PODN: variants seen among roughly 807,000 people sequenced by gnomAD.
PODN encodes podocan, also known as podocan proteoglycan.
A neutral mutation model predicts 52.7 loss-of-function variants in PODN; 40 were observed. The observed-to-expected ratio is 0.76, with a 90% confidence interval of 0.59 to 0.99. The LOEUF is 0.99. Ranked by LOEUF, PODN falls within the 50% of genes least tolerant of loss-of-function variation. PODN has a pLI of 0.00. For missense variants in PODN, 720 were observed against 815.1 expected (o/e 0.88, Z 1.42); for synonymous variants, 396 against 377.9 (o/e 1.05, Z -0.56).
intron 10 of PODN, among the ~76,000 whole-genome samples, chr1:53,082,595 G>C (rs1323917371): frequency 1.3e-5 from 2 of 152,210 alleles, no homozygotes; most frequent in Non-Finnish European, 2.9e-5. Flanking sequence ...AGAGCAGTTA[G>C]GAAAGGAGGT....
chr1:53,063,329 G>C (rs1643986762), intron 1 of PODN: 1 of 984,042 alleles, frequency 1.0e-6, no homozygotes. Flanking sequence ...CGCTTGGAGT[G>C]AATTACTGAC....
chr1:53,076,519 A>G (rs1459302206), intron 5 of PODN, among the ~76,000 whole-genome samples: 1 of 152,094 alleles, frequency 6.6e-6, no homozygotes, highest in Non-Finnish European at 1.5e-5. Flanking sequence ...TCTGTCACAG[A>G]TGACCCTTGT....
At position 53,071,537 on chromosome 1, in the gene PODN, C is replaced by A. The variant is rs777548117; in HGVS notation, c.315C>A (p.Asn105Lys). 6.2e-7 allele frequency: 1 copy of A among 1,613,400 alleles called. No individual in the cohort carries two copies. Among genetic ancestry groups the A allele is most frequent in the East Asian group, 2.2e-5 (1 of 44,830 alleles). ...CTTGCGGCCCCCTACCCCCCTAGAA[C>A]AACCAGCTGGAAAAGATCTACCCTG... ...PEHTNHLSLQ[N>K]NQLEKIYPEE... Residue 105 changes from asparagine to lysine, a missense_variant and splice_region_variant, in exon 3 of 11, where the codon AAC becomes AAA. Coordinates refer to ENST00000312553, the MANE Select transcript of PODN (RefSeq NM_153703.5).
Position 53,077,795 on chromosome 1 carries a change from C to A in PODN, c.849C>A (p.Thr283=), listed in dbSNP as rs142794383. 23 of 1,613,166 alleles carry A rather than the reference C, an allele frequency of 1.4e-5. No homozygotes were observed. The African/African-American group carries it at 2.9e-4, about 21-fold the overall frequency. ...CTGACGAGGGCCTGGACAACGAGAC[C>A]TTCTGGTGAGTCCTTGTCTCACCAG... ...YLTDEGLDNE[T]FWKLSSLEYL... Residue 283 remains threonine (T), a synonymous_variant, in exon 7 of 11, where the codon ACC becomes ACA. Coordinates refer to ENST00000312553, the MANE Select transcript of PODN (RefSeq NM_153703.5).
Position 53,070,037 on chromosome 1 carries a change from C to T in PODN, c.182C>T (p.Pro61Leu), listed in dbSNP as rs1436421243. 6.2e-7 allele frequency: 1 copy of T among 1,612,964 alleles called. No homozygotes were observed. The highest frequency in any genetic ancestry group is 8.5e-7 in the Non-Finnish European group (1 of 1,179,956). Residue 61 changes from proline to leucine, a missense_variant, in exon 2 of 11, where the codon CCT becomes CTT. Coordinates refer to ENST00000312553, the MANE Select transcript of PODN (RefSeq NM_153703.5). ...GTACTGAGCCCTGAGGAGCCCGGGCCTGGCCCAGCCGCGGTCAGCTGCCCC... is the reference window on the plus strand; with the variant it reads ...GTACTGAGCCCTGAGGAGCCCGGGCTTGGCCCAGCCGCGGTCAGCTGCCCC... ...VLVLSPEEPG[P>L]GPAAVSCPRD...
chr1:53,069,989 T>G lies in PODN; in HGVS notation c.134T>G (p.Phe45Cys). Residue 45 changes from phenylalanine to cysteine, a missense_variant, in exon 2 of 11, where the codon TTT (phenylalanine) becomes TGT (cysteine). Coordinates refer to ENST00000312553, the MANE Select transcript of PODN (RefSeq NM_153703.5). ...AGCCTGAGCCCCGAAGAGAACGAAT[T>G]TGCGGAGGAGGAGCCGGTGCTGGTA... ...GHSLSPEENE[F>C]AEEEPVLVLS... 1.2e-6 allele frequency: 2 copies of G among 1,611,826 alleles called. No individual in the cohort carries two copies. Among genetic ancestry groups the G allele is most frequent in the Non-Finnish European group, 1.7e-6 (2 of 1,179,496 alleles).
Position 53,069,852 on chromosome 1 carries a change from C to A in PODN, c.-4C>A, listed in dbSNP as rs1410024915. 1 of 1,575,204 alleles carries A rather than the reference C, an allele frequency of 6.3e-7. No individual in the cohort carries two copies. The highest frequency in any genetic ancestry group is 8.6e-7 in the Non-Finnish European group (1 of 1,160,834). On this transcript the variant is annotated 5_prime_UTR_variant, in exon 2 of 11. Transcript: ENST00000312553. ...CATCTGACTCGGCACCCCCTGCAGG[C>A]ACCATGGCCCAGAGCCGGGTGCTGC... is the stretch of plus-strand genomic sequence containing the variant.
chr1:53,069,083 G>A (rs1252612240), intron 1 of PODN, among the ~76,000 whole-genome samples: 1 of 152,170 alleles, frequency 6.6e-6, no homozygotes, highest in African/African-American at 2.4e-5. Context: ...AGCTCTCTGT[G>A]GGAAGAAGAT....
At chr1:53,077,105 G>T in intron 5 of PODN, 85 bp from the exon 6 acceptor site, 7 of 1,509,454 alleles carry the variant, frequency 4.6e-6, no homozygotes, top group African/African-American at 1.4e-5. Flanking sequence ...AGAGCAGCCT[G>T]GGCAAGGGTT....
chr1:53,070,660 C>T (rs1451378462), intron 2 of PODN, among the ~76,000 whole-genome samples: 1 of 152,242 alleles, frequency 6.6e-6, no homozygotes, highest in Non-Finnish European at 1.5e-5. Flanking sequence ...CCCTGGAGTG[C>T]AGATGCACCC....
rs555611216 is a variant in PODN, at chr1:53,070,278, T to C, written c.312+111T>C. ...CTGTTCACCCAGAACCTCCAATATG[T>C]GCGGCTCTCCACTCCCAACCACAGG... On this transcript the variant is annotated intron_variant, in intron 2 of 10. Coordinates refer to ENST00000312553, the MANE Select transcript of PODN (RefSeq NM_153703.5). 7 of 1,510,858 alleles carry C rather than the reference T, an allele frequency of 4.6e-6. No homozygotes were observed. In the South Asian group the frequency reaches 8.5e-5, roughly 18 times the overall value. The allele number at this position is 1,510,858 out of a possible 1,614,324, so 93.6% of individuals were successfully genotyped here. A position where few individuals can be genotyped will look rare whatever the true frequency, so the allele number is the denominator to read the frequency against.
chr1:53,071,716 G>A, intron 3 of PODN, 88 bp downstream of exon 3: 1 of 1,303,010 alleles, frequency 7.7e-7, no homozygotes. Flanking sequence ...GGGAGAGCTT[G>A]GCCCTGCGGA....
intron 10 of PODN, among the ~76,000 whole-genome samples, chr1:53,083,463 A>G (rs1484122396): frequency 2.6e-5 from 4 of 152,216 alleles, no homozygotes; most frequent in Non-Finnish European, 5.9e-5. Flanking sequence ...GGAATGGTAG[A>G]AGTTGCTGGC....
chr1:53,084,288 A>T (rs912705543), intron 10 of PODN, among the ~76,000 whole-genome samples: 1 of 151,730 alleles, frequency 6.6e-6, no homozygotes, highest in Non-Finnish European at 1.5e-5. Flanking sequence ...AGGTCAGTTG[A>T]GTGGGGCTCT....
intron 10 of PODN, among the ~76,000 whole-genome samples, 179 bp downstream of exon 10, chr1:53,082,367 C>T (rs940620569): frequency 1.3e-5 from 2 of 152,178 alleles, no homozygotes; most frequent in Non-Finnish European, 2.9e-5. Flanking sequence ...TTGAAGCCTA[C>T]GGGAGGCCCA....
Position 53,071,234 on chromosome 1 carries a change from C to T in PODN, c.313-301C>T, listed in dbSNP as rs1399259926. 3.3e-5 allele frequency: 8 copies of T among 243,514 alleles called. No homozygotes were observed. In the East Asian group the frequency reaches 3.3e-4, roughly 10 times the overall value. The allele number at this position is 243,514 out of a possible 1,614,324, so 15.1% of individuals were successfully genotyped here. On this transcript the variant is annotated intron_variant, in intron 2 of 10. Transcript: ENST00000312553. ...GTGGTTGCCTGTCACGAGGTGGGAA[C>T]GCTCCAGGAGCACGCCTGGAGGAGA... is the stretch of plus-strand genomic sequence containing the variant.
rs763426971 is a variant in PODN at position 53,071,519 on chromosome 1, C to G, written c.313-16C>G. ...CTAGGCTGATGCTGCTTCCTTGCGGCCCCCTACCCCCCTAGAACAACCAGC... is the reference window on the plus strand; with the variant it reads ...CTAGGCTGATGCTGCTTCCTTGCGGGCCCCTACCCCCCTAGAACAACCAGC... On this transcript the variant is annotated splice_polypyrimidine_tract_variant and intron_variant, in intron 2 of 10. Coordinates refer to ENST00000312553, the MANE Select transcript of PODN (RefSeq NM_153703.5). The G allele has an allele frequency of 5.6e-6, 9 of 1,605,682 alleles. No individual in the cohort carries two copies. The highest frequency in any genetic ancestry group is 1.7e-5 in the Admixed American group (1 of 59,614).
At chr1:53,076,580 T>G (rs1021970139) in intron 5 of PODN, among the ~76,000 whole-genome samples, 1 of 152,184 alleles carries the variant, frequency 6.6e-6, no homozygotes, top group African/African-American at 2.4e-5. Flanking sequence ...GCAGGGTCTG[T>G]CTCATTGGTC....
chr1:53,071,392 G>T, intron 2 of PODN, 143 bp from the exon 3 acceptor site: 6 of 691,334 alleles, frequency 8.7e-6, no homozygotes, highest in African/African-American at 1.8e-5. Flanking sequence ...GGCACCGGGG[G>T]TCTGCTGCCA....
Sources: gnomAD v4.1 joint callset for allele counts (sites outside exome capture counted in the v4.1 genomes callset) on GRCh38, gnomAD v4.1.1 for gene constraint, MANE v1.5 for transcripts, NCBI Gene and HGNC (gene_info 2026-07-23, HGNC 2026-07-21) for gene names.